ADCY9: variants seen among roughly 807,000 people sequenced by gnomAD.
ADCY9 encodes the protein adenylate cyclase type 9.
A neutral mutation model predicts 101.5 loss-of-function variants in ADCY9; 50 were observed. The observed-to-expected ratio is 0.49, with a 90% confidence interval of 0.39 to 0.62. The LOEUF is 0.62. ADCY9 is among the 20% of genes least tolerant of loss of function. The pLI, the probability that ADCY9 is intolerant of heterozygous loss-of-function variation, is 0.00. For missense variants in ADCY9, 1,662 were observed against 1,800.4 expected, an observed-to-expected ratio of 0.92 and a Z score of 1.39; for synonymous variants, 905 against 769.3, an observed-to-expected ratio of 1.18 and a Z score of -2.92.
intron 3 of ADCY9, 56 bp from the exon 4 acceptor site, chr16:3,993,566 G>A (rs1300990840): frequency 1.3e-6 from 2 of 1,597,658 alleles, no homozygotes; most frequent in Non-Finnish European, 1.7e-6. Flanking sequence ...CTGCCACCCT[G>A]AATTCAGGCA....
chr16:4,079,613 TTTAAGTGGAAAGG>T, intron 2 of ADCY9, among the ~76,000 whole-genome samples: 1 of 152,162 alleles, frequency 6.6e-6, no homozygotes, highest in South Asian at 2.1e-4. Context: ...TACATACAGA[TTTAAGTGGAAAGG>T]TATTCATGAT....
chr16:3,958,081 T>TAA, downstream of ADCY9, among the ~76,000 whole-genome samples: 1 of 152,122 alleles, frequency 6.6e-6, no homozygotes, highest in Non-Finnish European at 1.5e-5. Context: ...CAGAGACGTC[T>TAA]GGGTCCCCAA....
At chr16:4,097,506 TATATGTATAA>T in intron 2 of ADCY9, among the ~76,000 whole-genome samples, 2 of 92,714 alleles carry the variant, frequency 2.2e-5, no homozygotes, top group African/African-American at 7.4e-5. Flanking sequence ...ACACACTATA[TATATGTATAA>T]ATACATATGT....
At chr16:4,086,750 C>T (rs2056941437) in intron 2 of ADCY9, among the ~76,000 whole-genome samples, 1 of 152,108 alleles carries the variant, frequency 6.6e-6, no homozygotes, top group Non-Finnish European at 1.5e-5. Flanking sequence ...ACCTCTGCCT[C>T]CTGGGTTCAA....
intron 2 of ADCY9, among the ~76,000 whole-genome samples, chr16:4,082,787 C>T (rs746196571): frequency 1.3e-5 from 2 of 152,258 alleles, no homozygotes; most frequent in Non-Finnish European, 2.9e-5. Context: ...ACAGCCCACC[C>T]GCAGTAAGTA....
rs1382458827 is a variant in ADCY9, at chr16:4,097,553, A to ATATATATATTTT, written c.1693+16196_1693+16197insAAAATATATATA. On this transcript the variant is annotated intron_variant, in intron 2 of 10. Transcript: ENST00000294016. ...CATATATATATATATATATATATAT[A>ATATATATATTTT]TTTTTTTTTTTTTTTTTTAAGACAG... Among the ~76,000 whole-genome samples the ATATATATATTTT allele has an allele frequency of 3.9e-4, 21 of 53,402 alleles. 2 individuals are homozygous for ATATATATATTTT. Among genetic ancestry groups the ATATATATATTTT allele is most frequent in the East Asian group, 2.3e-3 (3 of 1,316 alleles). The allele number at this position is 53,402 out of a possible 152,430, so 35.0% of individuals were successfully genotyped here.
Position 3,977,439 on chromosome 16 carries a change from T to C in ADCY9, c.2828+43A>G, listed in dbSNP as rs369126593. The C allele has an allele frequency of 3.6e-5, 56 of 1,534,382 alleles. No individual in the cohort carries two copies. The African/African-American group carries it at 6.5e-4, about 18-fold the overall frequency. Reference sequence around the variant, plus strand: ...AGGCCCTACGCAACCTCGGGCAAGGTGGCCACGCACCCTGGTGCCCGCAAG... The same window carrying C: ...AGGCCCTACGCAACCTCGGGCAAGGCGGCCACGCACCCTGGTGCCCGCAAG... On this transcript the variant is annotated intron_variant, in intron 9 of 10. Transcript: ENST00000294016.
chr16:4,107,062 CT>C (rs1427128364), intron 2 of ADCY9, among the ~76,000 whole-genome samples: 4 of 152,222 alleles, frequency 2.6e-5, no homozygotes, highest in Admixed American at 6.5e-5. Context: ...GAATTAACAG[CT>C]GTGTCCTTGT....
chr16:3,991,763 T>TAAA (rs55746006), intron 5 of ADCY9, among the ~76,000 whole-genome samples: 420 of 90,892 alleles, frequency 4.6e-3, no homozygotes, highest in Non-Finnish European at 5.6e-3. Context: ...CTAGTCCTTA[T>TAAA]AAAAAAAAAA....
intron 2 of ADCY9, among the ~76,000 whole-genome samples, chr16:4,029,354 G>T (rs963823229): frequency 6.6e-6 from 1 of 152,138 alleles, no homozygotes; most frequent in Admixed American, 6.5e-5. Context: ...TACAAAAATG[G>T]CAATTTCGTA....
At chr16:3,987,673 TCCCAC>T (rs1381833305) in intron 6 of ADCY9, among the ~76,000 whole-genome samples, 2 of 152,124 alleles carry the variant, frequency 1.3e-5, no homozygotes, top group African/African-American at 4.8e-5. Context: ...AGGGGGCACC[TCCCAC>T]CCCACGAGGC....
At chr16:3,958,652 C>A (rs1461058503), downstream of ADCY9, among the ~76,000 whole-genome samples, 4 of 147,402 alleles carry the variant, frequency 2.7e-5, no homozygotes, top group Non-Finnish European at 6.0e-5. Flanking sequence ...GTTGTTTTCT[C>A]TGAATCTTTC....
chr16:4,071,324 T>C (rs2056832231), intron 2 of ADCY9, among the ~76,000 whole-genome samples: 1 of 41,512 alleles, frequency 2.4e-5, no homozygotes, highest in Non-Finnish European at 4.3e-5. Flanking sequence ...AAAGCGAAAC[T>C]CAGTCTCCAA....
chr16:4,021,549 G>A (rs139761334), intron 2 of ADCY9, among the ~76,000 whole-genome samples: 1,835 of 152,258 alleles, frequency 0.012, 29 homozygotes, highest in African/African-American at 0.042. Flanking sequence ...CACGAGCTCC[G>A]TCCCAACTCA....
chr16:4,035,173 T>A (rs2056581054), intron 2 of ADCY9, among the ~76,000 whole-genome samples: 1 of 152,170 alleles, frequency 6.6e-6, no homozygotes, highest in Non-Finnish European at 1.5e-5. Context: ...GATAATTGCT[T>A]TGGGTTGACT....
At chr16:4,060,442 G>C (rs2056767886) in intron 2 of ADCY9, among the ~76,000 whole-genome samples, 1 of 152,186 alleles carries the variant, frequency 6.6e-6, no homozygotes, top group South Asian at 2.1e-4. Flanking sequence ...AACCAAGACA[G>C]GCTCGTATAA....
rs2055989703 is a variant in ADCY9, at chr16:3,965,996, G to C, written c.3841C>G (p.Leu1281Val). The C allele has an allele frequency of 5.0e-6, 8 of 1,614,234 alleles. No individual in the cohort carries two copies. Among genetic ancestry groups the C allele is most frequent in the African/African-American group, 1.3e-5 (1 of 75,068 alleles). ...GRSPTDEIAN[L>V]VPSVQYVDKT... ...TCCACATACTGGACAGAAGGCACCA[G>C]GTTGGCAATCTCGTCTGTGGGAGAC... Residue 1281 changes from leucine to valine, a missense_variant, in exon 11 of 11, where the codon CTG becomes GTG. Transcript: ENST00000294016.
chr16:3,978,585 C>T (rs1886149619), intron 8 of ADCY9, among the ~76,000 whole-genome samples: 1 of 152,214 alleles, frequency 6.6e-6, no homozygotes, highest in Non-Finnish European at 1.5e-5. Context: ...GGGACTCGTG[C>T]CCACCGGGGA....
intron 3 of ADCY9, among the ~76,000 whole-genome samples, chr16:4,001,870 T>C (rs1013829059): frequency 6.6e-5 from 10 of 151,962 alleles, no homozygotes; most frequent in Non-Finnish European, 1.5e-4. Flanking sequence ...TGCCTCAGTC[T>C]CCCAAGTAGC....
Sources: allele counts gnomAD v4.1 joint callset (sites outside exome capture counted in the v4.1 genomes callset), GRCh38; gene constraint gnomAD v4.1.1; transcripts MANE v1.5; gene names NCBI Gene and HGNC (gene_info 2026-07-23, HGNC 2026-07-21).